NTN4: variants seen among roughly 807,000 people sequenced by gnomAD.
NTN4 encodes the protein netrin 4.
Under a neutral mutation model 73.6 loss-of-function variants are expected in NTN4, and 32 were observed. That is an observed-to-expected ratio of 0.44 (90% CI 0.33 to 0.58). The LOEUF is 0.58. Ranked by LOEUF, NTN4 falls within the 20% of genes least tolerant of loss-of-function variation. NTN4 has a pLI of 0.04. For synonymous variants in NTN4, 258 were observed against 287.5 expected (o/e 0.90, Z 1.04); for missense variants, 654 against 798.3 (o/e 0.82, Z 2.18).
chr12:95,716,523 A>G (rs542097997), intron 3 of NTN4, among the ~76,000 whole-genome samples: 1 of 152,176 alleles, frequency 6.6e-6, no homozygotes, highest in Non-Finnish European at 1.5e-5. Flanking sequence ...TGTGAAAGAT[A>G]TATTAAATAT....
At chr12:95,709,175 A>G (rs780752457) in intron 5 of NTN4, among the ~76,000 whole-genome samples, 1 of 152,252 alleles carries the variant, frequency 6.6e-6, no homozygotes, top group Non-Finnish European at 1.5e-5. Context: ...AAACTCGCAA[A>G]TAACCCCAAG....
chr12:95,745,582 T>G (rs1024351421), intron 2 of NTN4, among the ~76,000 whole-genome samples: 1 of 152,220 alleles, frequency 6.6e-6, no homozygotes, highest in Non-Finnish European at 1.5e-5. Context: ...ACAGTGATAA[T>G]AACTGTTTTA....
intron 2 of NTN4, among the ~76,000 whole-genome samples, chr12:95,762,042 C>T (rs1362696597): frequency 6.6e-6 from 1 of 151,904 alleles, no homozygotes; most frequent in Non-Finnish European, 1.5e-5. Flanking sequence ...AAACACGTTC[C>T]CTGACTGGGT....
At chr12:95,661,707 C>T (rs536434766) in intron 9 of NTN4, among the ~76,000 whole-genome samples, 1 of 152,102 alleles carries the variant, frequency 6.6e-6, no homozygotes, top group Non-Finnish European at 1.5e-5. Context: ...TTAGAGATTA[C>T]AGAAGATAGA....
At chr12:95,755,634 T>C (rs2078942526) in intron 2 of NTN4, among the ~76,000 whole-genome samples, 1 of 152,196 alleles carries the variant, frequency 6.6e-6, no homozygotes, top group Admixed American at 6.5e-5. Context: ...TCTTCTGAGA[T>C]AGGACAATAT....
At chr12:95,750,591 G>T (rs542965901) in intron 2 of NTN4, among the ~76,000 whole-genome samples, 4 of 152,088 alleles carry the variant, frequency 2.6e-5, no homozygotes, top group Non-Finnish European at 5.9e-5. Context: ...GGTGCCTGAC[G>T]TCCAGGCATT....
chr12:95,736,252 A>G (rs2078777122), intron 3 of NTN4, among the ~76,000 whole-genome samples: 1 of 151,954 alleles, frequency 6.6e-6, no homozygotes, highest in Non-Finnish European at 1.5e-5. Context: ...TGAAGTTTTT[A>G]TAAGGCCCTT....
chr12:95,701,728 A>T (rs2078486405), intron 5 of NTN4, among the ~76,000 whole-genome samples: 1 of 152,342 alleles, frequency 6.6e-6, no homozygotes, highest in South Asian at 2.1e-4. Flanking sequence ...AGCATTTAGC[A>T]TGGTGCTTCT....
Position 95,786,962 on chromosome 12 carries a change from G to T in NTN4, c.562C>A (p.Pro188Thr), listed in dbSNP as rs756036953. 4.3e-6 allele frequency: 7 copies of T among 1,613,918 alleles called. No individual in the cohort carries two copies. The highest frequency in any genetic ancestry group is 5.9e-6 in the Non-Finnish European group (7 of 1,179,920). Residue 188 changes from proline (P) to threonine (T), a missense_variant, in exon 2 of 10, where the codon CCT (proline) becomes ACT (threonine). Pro to Thr is a conservative substitution (Grantham distance 38). Coordinates refer to ENST00000343702, the MANE Select transcript of NTN4 (RefSeq NM_021229.4). ...ACCTCTCCTCCAGTGCATGGAAAAG[G>T]ACTGGAGTATTTAGAAGTACAAATA... Reference protein sequence around the residue: ...GAICTSKYSSPFPCTGGEVIF... With the variant: ...GAICTSKYSSTFPCTGGEVIF...
intron 5 of NTN4, among the ~76,000 whole-genome samples, chr12:95,684,475 A>ACTT (rs2078346101): frequency 6.7e-6 from 1 of 148,422 alleles, no homozygotes; most frequent in Non-Finnish European, 1.5e-5. Context: ...CTTAAAAAAA[A>ACTT]TTTTTTTTTT....
At chr12:95,731,794 A>C (rs2078739056) in intron 3 of NTN4, among the ~76,000 whole-genome samples, 1 of 152,080 alleles carries the variant, frequency 6.6e-6, no homozygotes, top group African/African-American at 2.4e-5. Flanking sequence ...ACAAAAAGAG[A>C]ATGGGCTTTA....
At chr12:95,662,235 C>CTT (rs71087990) in intron 9 of NTN4, among the ~76,000 whole-genome samples, 8,869 of 118,300 alleles carry the variant, frequency 0.075, 453 homozygotes, top group Admixed American at 0.12. Flanking sequence ...CTTTTTCTTT[C>CTT]TTTTTTTTTT....
rs1166961464 is a variant in NTN4, at chr12:95,672,236, G to C, written c.1511-2090C>G. ...GCGGGCGGGGGGAGGGAGGGGAGGCGGGGGCAGGGGGCGGGCTGTGATTCT... is the reference window on the plus strand; with the variant it reads ...GCGGGCGGGGGGAGGGAGGGGAGGCCGGGGCAGGGGGCGGGCTGTGATTCT... On this transcript the variant is annotated intron_variant, in intron 7 of 9. Transcript: ENST00000343702. The C allele has an allele frequency of 6.5e-6, 4 of 617,048 alleles. No homozygotes were observed. In the South Asian group the frequency reaches 7.3e-5, roughly 11 times the overall value. 38.2% of individuals were successfully genotyped at this position (617,048 alleles called of 1,614,324 possible). A position where few individuals can be genotyped will look rare whatever the true frequency, so the allele number is the denominator to read the frequency against.
At chr12:95,667,476 G>T (rs775245115) in intron 8 of NTN4, among the ~76,000 whole-genome samples, 5 of 152,084 alleles carry the variant, frequency 3.3e-5, no homozygotes, top group Non-Finnish European at 7.3e-5. Flanking sequence ...TACAGCGTCA[G>T]ACAGCTATCT....
At chr12:95,695,824 C>G (rs1307023296) in intron 5 of NTN4, among the ~76,000 whole-genome samples, 1 of 152,162 alleles carries the variant, frequency 6.6e-6, no homozygotes, top group East Asian at 1.9e-4. Flanking sequence ...TCTTGATTTG[C>G]TACTTTAATT....
intron 2 of NTN4, among the ~76,000 whole-genome samples, chr12:95,782,932 G>C (rs1022890350): frequency 4.6e-5 from 7 of 152,222 alleles, no homozygotes; most frequent in Admixed American, 3.3e-4. Context: ...AGGCCTGACT[G>C]TGTGGCATCT....
intron 4 of NTN4, among the ~76,000 whole-genome samples, chr12:95,712,659 T>C (rs2078572451): frequency 6.6e-6 from 1 of 152,144 alleles, no homozygotes; most frequent in Non-Finnish European, 1.5e-5. Flanking sequence ...TGGAGTTCAG[T>C]GGCGTGATCT....
chr12:95,749,236 G>C (rs959897808), intron 2 of NTN4, among the ~76,000 whole-genome samples: 1 of 152,168 alleles, frequency 6.6e-6, no homozygotes, highest in South Asian at 2.1e-4. Context: ...CAGCCATGTT[G>C]CTCACACAAA....
intron 5 of NTN4, among the ~76,000 whole-genome samples, chr12:95,701,177 T>C (rs1014970951): frequency 2.6e-5 from 4 of 152,184 alleles, no homozygotes; most frequent in Non-Finnish European, 5.9e-5. Flanking sequence ...CAAAGTCACA[T>C]AGGTGACTTT....
Sources: allele counts gnomAD v4.1 joint callset (sites outside exome capture counted in the v4.1 genomes callset), GRCh38; gene constraint gnomAD v4.1.1; transcripts MANE v1.5; gene names NCBI Gene and HGNC (gene_info 2026-07-23, HGNC 2026-07-21).